ZNF704: variants seen among roughly 807,000 people sequenced by gnomAD.
ZNF704 encodes the protein glucocorticoid induced gene 1.
In ZNF704, 10 loss-of-function variants were observed where a neutral mutation model predicts 44.7. That is an observed-to-expected ratio of 0.22 (90% CI 0.14 to 0.38). ZNF704 has a LOEUF of 0.38. Ranked by LOEUF, ZNF704 falls within the 10% of genes least tolerant of loss-of-function variation. The pLI, the probability that ZNF704 is intolerant of heterozygous loss-of-function variation, is 1.00. For missense variants in ZNF704, 390 were observed against 545.5 expected (o/e 0.71, Z 2.84); for synonymous variants, 211 against 207.6 (o/e 1.02, Z -0.14).
chr8:80,664,933 A>T lies in ZNF704; in HGVS notation c.809T>A (p.Ile270Asn). The change falls in exon 6 of 9, where the codon ATC becomes AAC. Residue 270 changes from isoleucine (I) to asparagine (N), a missense_variant. Coordinates refer to ENST00000327835, the MANE Select transcript of ZNF704 (RefSeq NM_001033723.3). The part of the protein sequence containing the change: ...QSLASPPTFP[I>N]PDSSRTETPC... Reference sequence around the variant, plus strand: ...AGTTTCTGTTCGGCTTGAATCTGGGATGGGGAAAGTAGGAGGTGAAGCCAG... The same window carrying T: ...AGTTTCTGTTCGGCTTGAATCTGGGTTGGGGAAAGTAGGAGGTGAAGCCAG... 1 of 1,614,058 alleles carries T rather than the reference A, an allele frequency of 6.2e-7. No individual in the cohort carries two copies. Among genetic ancestry groups the T allele is most frequent in the Non-Finnish European group, 8.5e-7 (1 of 1,180,010 alleles).
intron 1 of ZNF704, among the ~76,000 whole-genome samples, chr8:80,844,668 T>C (rs1009004495): frequency 1.3e-5 from 2 of 152,184 alleles, no homozygotes; most frequent in Non-Finnish European, 2.9e-5. Flanking sequence ...AACCAAAAGC[T>C]ATTTTTCTTA....
chr8:80,770,111 A>G (rs551746205), intron 2 of ZNF704, among the ~76,000 whole-genome samples: 5 of 152,168 alleles, frequency 3.3e-5, no homozygotes, highest in Admixed American at 1.3e-4. Flanking sequence ...ACCTGCCCCC[A>G]TGATTCAATT....
At chr8:80,785,622 C>G (rs889131157) in intron 2 of ZNF704, among the ~76,000 whole-genome samples, 9 of 152,156 alleles carry the variant, frequency 5.9e-5, no homozygotes, top group African/African-American at 2.2e-4. Context: ...CTTAAGCTGT[C>G]CCCAGCTTTA....
intron 2 of ZNF704, among the ~76,000 whole-genome samples, chr8:80,710,214 T>C (rs1818962940): frequency 6.6e-6 from 1 of 152,192 alleles, no homozygotes; most frequent in African/African-American, 2.4e-5. Context: ...TTAACCTGTT[T>C]AGGTTACAGT....
In ZNF704 at chr8:80,808,317, T is replaced by TCCAC. The variant is rs1808024601; in HGVS notation, c.221+13056_221+13057insGTGG. ...GTTGTAGATCTTACTATACTTTGTT[T>TCCAC]AAATTGCCTACAAAGAAAGGGAGTT... On this transcript the variant is annotated intron_variant, in intron 2 of 8. Transcript: ENST00000327835. Among the ~76,000 whole-genome samples the TCCAC allele has an allele frequency of 2.0e-5, 3 of 152,198 alleles. No homozygotes were observed. The South Asian group carries it at 6.2e-4, about 32-fold the overall frequency.
chr8:80,656,746 A>T (rs1818022383), intron 7 of ZNF704, among the ~76,000 whole-genome samples: 1 of 152,220 alleles, frequency 6.6e-6, no homozygotes, highest in Admixed American at 6.5e-5. Flanking sequence ...GAAGTGTACA[A>T]AAGTATCCCT....
chr8:80,877,159 T>A (rs891231509), upstream of ZNF704, among the ~76,000 whole-genome samples: 2 of 133,968 alleles, frequency 1.5e-5, no homozygotes, highest in Non-Finnish European at 3.0e-5. Context: ...TGGCCCCACA[T>A]TGCTGGAAAG....
chr8:80,671,836 C>A lies in ZNF704; in HGVS notation c.559-1233G>T, dbSNP rs78586658. Among the ~76,000 whole-genome samples, 575 of 152,296 alleles carry A rather than the reference C, an allele frequency of 3.8e-3. 3 individuals are homozygous for A. Among genetic ancestry groups the A allele is most frequent in the African/African-American group, 0.013 (555 of 41,554 alleles). ...CCTTCTAAGCCTTGCCCCTCAACTA[C>A]TTCCCAGTGTCACCCCCAGTCTGCT... On this transcript the variant is annotated intron_variant, in intron 4 of 8. Coordinates refer to ENST00000327835, the MANE Select transcript of ZNF704 (RefSeq NM_001033723.3).
intron 7 of ZNF704, among the ~76,000 whole-genome samples, chr8:80,645,441 C>T (rs529550079): frequency 4.5e-4 from 69 of 152,248 alleles, no homozygotes; most frequent in African/African-American, 1.4e-3. Context: ...TGACACAGTT[C>T]GGATGTGTGT....
At chr8:80,819,976 T>C (rs906424991) in intron 2 of ZNF704, among the ~76,000 whole-genome samples, 1 of 152,204 alleles carries the variant, frequency 6.6e-6, no homozygotes, top group Non-Finnish European at 1.5e-5. Flanking sequence ...CTTCCAAAGG[T>C]ACTGTTTTCC....
intron 2 of ZNF704, among the ~76,000 whole-genome samples, chr8:80,771,275 C>A (rs1215991959): frequency 6.6e-6 from 1 of 151,950 alleles, no homozygotes; most frequent in Non-Finnish European, 1.5e-5. Context: ...CTGCATTAAA[C>A]CTGTATATAT....
chr8:80,740,625 T>C (rs1207639191), intron 2 of ZNF704, among the ~76,000 whole-genome samples: 1 of 152,200 alleles, frequency 6.6e-6, no homozygotes, highest in East Asian at 1.9e-4. Flanking sequence ...TACCTAACCC[T>C]TGTACTCTGC....
intron 4 of ZNF704, among the ~76,000 whole-genome samples, chr8:80,685,223 TA>T (rs1344282596): frequency 6.6e-6 from 1 of 152,188 alleles, no homozygotes; most frequent in Non-Finnish European, 1.5e-5. Flanking sequence ...TTAATTTAGT[TA>T]AAGCCTGTAG....
At chr8:80,761,803 C>CA (rs575988920) in intron 2 of ZNF704, among the ~76,000 whole-genome samples, 227 of 152,242 alleles carry the variant, frequency 1.5e-3, no homozygotes, top group African/African-American at 5.3e-3. Context: ...GGTCAAAAGG[C>CA]AAAATGTATA....
intron 1 of ZNF704, among the ~76,000 whole-genome samples, chr8:80,823,560 T>C (rs1391321141): frequency 2.0e-5 from 3 of 152,170 alleles, no homozygotes; most frequent in African/African-American, 7.2e-5. Context: ...TCTGACAGCT[T>C]TGAAGAGAGT....
chr8:80,653,369 A>G (rs1817955493), intron 7 of ZNF704, among the ~76,000 whole-genome samples: 2 of 152,302 alleles, frequency 1.3e-5, no homozygotes, highest in South Asian at 4.1e-4. Context: ...GGAAAAGAGG[A>G]AGTCAAATTG....
intron 1 of ZNF704, among the ~76,000 whole-genome samples, chr8:80,857,294 C>T (rs1808979145): frequency 6.6e-6 from 1 of 152,106 alleles, no homozygotes; most frequent in African/African-American, 2.4e-5. Context: ...GACATCCTTG[C>T]CTTATTCCTG....
chr8:80,746,132 G>A (rs1806839949), intron 2 of ZNF704, among the ~76,000 whole-genome samples: 1 of 152,168 alleles, frequency 6.6e-6, no homozygotes, highest in East Asian at 1.9e-4. Context: ...CAAGCGAAGT[G>A]TAACCTCATA....
At chr8:80,699,552 G>C (rs888380876) in intron 2 of ZNF704, among the ~76,000 whole-genome samples, 2 of 151,992 alleles carry the variant, frequency 1.3e-5, no homozygotes. Context: ...TGTGGTGAAG[G>C]GTCATTTTTA....
Sources: gnomAD v4.1 joint callset for allele counts (sites outside exome capture counted in the v4.1 genomes callset) on GRCh38, gnomAD v4.1.1 for gene constraint, MANE v1.5 for transcripts, NCBI Gene and HGNC (gene_info 2026-07-23, HGNC 2026-07-21) for gene names.